Variants in ESR1 observed in about 807,000 individuals in gnomAD.
The protein encoded by ESR1 is estrogen receptor.
A neutral mutation model predicts 52.7 loss-of-function variants in ESR1; 12 were observed. The observed-to-expected ratio is 0.23, with a 90% CI of 0.15 to 0.37. The LOEUF is 0.37. Ranked by LOEUF, ESR1 falls within the 10% of genes least tolerant of loss-of-function variation. ESR1 has a pLI of 1.00. For synonymous variants in ESR1, 305 were observed against 316.8 expected, an observed-to-expected ratio of 0.96 and a Z score of 0.39; for missense variants, 584 against 779.7, an observed-to-expected ratio of 0.75 and a Z score of 2.99.
intron 2 of ESR1, among the ~76,000 whole-genome samples, chr6:151,742,272 C>G (rs1379699479): frequency 6.6e-6 from 1 of 152,092 alleles, no homozygotes; most frequent in African/African-American, 2.4e-5. Flanking sequence ...GATATATATT[C>G]AGAAGAGGGT....
chr6:151,894,169 T>C, intron 3 of ESR1, among the ~76,000 whole-genome samples: 1 of 151,714 alleles, frequency 6.6e-6, no homozygotes, highest in East Asian at 1.9e-4. Flanking sequence ...TATTTTTTCA[T>C]ATGTTTGTTG....
intron 5 of ESR1, among the ~76,000 whole-genome samples, chr6:152,014,960 G>A (rs1234041707): frequency 2.6e-5 from 4 of 152,042 alleles, no homozygotes; most frequent in African/African-American, 4.8e-5. Context: ...CCAGCTACCC[G>A]AGAGGCTGAG....
intron 4 of ESR1, among the ~76,000 whole-genome samples, chr6:151,994,266 C>A (rs765172162): frequency 1.9e-4 from 29 of 152,138 alleles, no homozygotes; most frequent in Non-Finnish European, 3.5e-4. Flanking sequence ...GTGGACTGCA[C>A]TATACAACTC....
Position 152,059,751 on chromosome 6 carries a change from A to AC in ESR1, c.1236-1239dup, listed in dbSNP as rs149244281. 7.8e-3 allele frequency among the ~76,000 whole-genome samples: 1,188 copies of AC among 152,294 alleles called. 12 individuals carry two copies. Among genetic ancestry groups the AC allele is most frequent in the African/African-American group, 0.028 (1,149 of 41,552 alleles). On this transcript the variant is annotated intron_variant, in intron 5 of 7. Transcript: ENST00000206249. ...TAGCTATCTGTACACATATCCAAAG[A>AC]CATAAACATAAGGATAGTCATTGAA...
intron 2 of ESR1, among the ~76,000 whole-genome samples, chr6:151,767,418 C>T (rs1279777869): frequency 1.3e-5 from 2 of 152,154 alleles, no homozygotes; most frequent in African/African-American, 4.8e-5. Flanking sequence ...TCTGTCTTAA[C>T]CTATTTTAGG....
intron 2 of ESR1, among the ~76,000 whole-genome samples, chr6:151,799,028 T>C (rs1327621404): frequency 2.0e-5 from 3 of 152,230 alleles, no homozygotes. Context: ...AGTCTTGTTG[T>C]AGTTTCCAAA....
At position 151,798,756 on chromosome 6, in the gene ESR1, T is replaced by C. The variant is rs192272648; in HGVS notation, c.-70-9087T>C. 1.1e-4 allele frequency among the ~76,000 whole-genome samples: 16 copies of C among 152,350 alleles called. No individual in the cohort carries two copies. In the East Asian group the frequency reaches 3.1e-3, roughly 29 times the overall value. The stretch of plus-strand genomic sequence containing the variant: ...TTTGCTGTTATTGTTGAAGGTATTA[T>C]ATTTGCAAGTTTGTACAATTTAGCA... On this transcript the variant is annotated intron_variant, in intron 2 of 2. Coordinates refer to the ESR1 transcript ENST00000404742.
intron 3 of ESR1, among the ~76,000 whole-genome samples, chr6:151,900,847 C>T (rs556023590): frequency 6.6e-6 from 1 of 152,190 alleles, no homozygotes. Context: ...ATAGAGGTGG[C>T]AGGGGAGTGA....
intron 2 of ESR1, among the ~76,000 whole-genome samples, chr6:151,721,418 A>C (rs1333475424): frequency 2.6e-5 from 4 of 152,218 alleles, no homozygotes; most frequent in Admixed American, 6.5e-5. Flanking sequence ...GGGTTTAGAA[A>C]GAGCATTTTG....
intron 4 of ESR1, among the ~76,000 whole-genome samples, chr6:152,004,170 T>C (rs917928940): frequency 1.3e-5 from 2 of 152,000 alleles, no homozygotes; most frequent in African/African-American, 4.8e-5. Flanking sequence ...AACTACAATA[T>C]GGTACACACA....
intron 1 of ESR1, among the ~76,000 whole-genome samples, chr6:151,661,303 C>A (rs931483472): frequency 1.3e-5 from 2 of 152,154 alleles, no homozygotes; most frequent in Non-Finnish European, 1.5e-5. Context: ...GGGAAGTGGA[C>A]AATTGCCTAT....
intron 1 of ESR1, among the ~76,000 whole-genome samples, chr6:151,677,740 CT>C (rs903663106): frequency 6.6e-6 from 1 of 152,186 alleles, no homozygotes. Flanking sequence ...ATGAACACGG[CT>C]TTTTTTCCTG....
chr6:152,025,950 A>T (rs896455268), intron 5 of ESR1, among the ~76,000 whole-genome samples: 2 of 151,962 alleles, frequency 1.3e-5, no homozygotes, highest in Non-Finnish European at 2.9e-5. Context: ...CAGCAATTTC[A>T]TGTTTTATTT....
intron 6 of ESR1, among the ~76,000 whole-genome samples, chr6:152,066,798 G>GAAGCAA (rs1193672862): frequency 1.3e-5 from 2 of 152,198 alleles, no homozygotes; most frequent in African/African-American, 4.8e-5. Flanking sequence ...GAATTCAGGA[G>GAAGCAA]AAGCAACTCT....
chr6:151,970,168 T>C (rs1028777248), intron 4 of ESR1, among the ~76,000 whole-genome samples: 1 of 152,174 alleles, frequency 6.6e-6, no homozygotes, highest in African/African-American at 2.4e-5. Context: ...TTCTCTGATC[T>C]TGTACTGGCT....
chr6:151,679,412 CA>C (rs916945125), intron 1 of ESR1, among the ~76,000 whole-genome samples: 9 of 152,148 alleles, frequency 5.9e-5, no homozygotes, highest in Non-Finnish European at 1.3e-4. Flanking sequence ...TGTGGTGGCG[CA>C]ATCTCGGCTC....
At chr6:151,964,975 TG>T (rs2038114263) in intron 4 of ESR1, among the ~76,000 whole-genome samples, 1 of 152,146 alleles carries the variant, frequency 6.6e-6, no homozygotes, top group Non-Finnish European at 1.5e-5. Context: ...TATACAGGCT[TG>T]TTGAAAAACA....
At chr6:151,919,258 G>C (rs548366783) in intron 3 of ESR1, among the ~76,000 whole-genome samples, 1 of 152,252 alleles carries the variant, frequency 6.6e-6, no homozygotes, top group African/African-American at 2.4e-5. Flanking sequence ...TTATTTAATT[G>C]GAGAAGTTTT....
chr6:151,785,434 G>A (rs1786927650), intron 2 of ESR1, among the ~76,000 whole-genome samples: 1 of 152,182 alleles, frequency 6.6e-6, no homozygotes, highest in African/African-American at 2.4e-5. Context: ...CAGAGTAAGG[G>A]TATACCTCTG....
Sources: allele counts gnomAD v4.1 joint callset (sites outside exome capture counted in the v4.1 genomes callset), GRCh38; gene constraint gnomAD v4.1.1; transcripts MANE v1.5; gene names NCBI Gene and HGNC (gene_info 2026-07-23, HGNC 2026-07-21).